Variants in MTDH observed in about 807,000 individuals in gnomAD.
MTDH encodes protein LYRIC.
MTDH carries 34 observed loss-of-function variants against 72.7 expected under a neutral mutation model. The observed-to-expected ratio is 0.47, with a 90% confidence interval of 0.36 to 0.62. The LOEUF is 0.62. MTDH is among the 20% of genes least tolerant of loss of function. MTDH has a pLI of 0.00. For synonymous variants in MTDH, 266 were observed against 268.9 expected, an observed-to-expected ratio of 0.99 and a Z score of 0.10; for missense variants, 677 against 699.4, an observed-to-expected ratio of 0.97 and a Z score of 0.36.
intron 1 of MTDH, among the ~76,000 whole-genome samples, chr8:97,653,393 G>C (rs76622301): frequency 0.018 from 2,740 of 152,290 alleles, 42 homozygotes; most frequent in African/African-American, 0.036. Context: ...TTCCCAGTGA[G>C]TTATGGCTTT....
chr8:97,717,061 C>T (rs898003470), intron 9 of MTDH, among the ~76,000 whole-genome samples: 4 of 152,168 alleles, frequency 2.6e-5, no homozygotes, highest in Non-Finnish European at 5.9e-5. Context: ...AAATTGATGT[C>T]TTCTGACTTT....
chr8:97,669,346 C>T (rs1387029148), intron 2 of MTDH, among the ~76,000 whole-genome samples: 10 of 151,848 alleles, frequency 6.6e-5, no homozygotes, highest in Admixed American at 6.6e-4. Context: ...CGGGGTTTCA[C>T]CATGTTAGCC....
rs1815447407 is a variant in MTDH, at chr8:97,728,723, A to G, written c.*4053A>G. The G allele has an allele frequency of 6.7e-6, 1 of 148,484 alleles. No individual in the cohort carries two copies. Among genetic ancestry groups the G allele is most frequent in the Non-Finnish European group, 1.5e-5 (1 of 67,416 alleles). 9.2% of individuals were successfully genotyped at this position (148,484 alleles called of 1,614,324 possible). A position where few individuals can be genotyped will look rare whatever the true frequency, so the allele number is the denominator to read the frequency against. On this transcript the variant is annotated 3_prime_UTR_variant, in exon 12 of 12. Coordinates refer to ENST00000336273, the MANE Select transcript of MTDH (RefSeq NM_178812.4). ...GATTGTTTGAGCCCAGGAGTTTGAA[A>G]CCATCCTGAGCAATAGAGAGACCCC...
chr8:97,682,725 A>G (rs951319329), intron 2 of MTDH, among the ~76,000 whole-genome samples: 1 of 151,868 alleles, frequency 6.6e-6, no homozygotes, highest in African/African-American at 2.4e-5. Flanking sequence ...CATAATTTCT[A>G]TTATTTTTTC....
chr8:97,681,491 C>CTTTT (rs35262209), intron 2 of MTDH, among the ~76,000 whole-genome samples: 11 of 108,856 alleles, frequency 1.0e-4, no homozygotes, highest in African/African-American at 3.2e-4. Context: ...AGAATTTTTT[C>CTTTT]TTTTTTTTTT....
chr8:97,699,652 A>G (rs1269129931), intron 6 of MTDH, 102 bp from the exon 7 acceptor site: 2 of 718,164 alleles, frequency 2.8e-6, no homozygotes, highest in Non-Finnish European at 4.5e-6. Context: ...TTTAGGAGAA[A>G]TTTTAAAAAT....
chr8:97,701,659 CAA>C (rs1795073672), intron 7 of MTDH, among the ~76,000 whole-genome samples: 1 of 152,112 alleles, frequency 6.6e-6, no homozygotes, highest in Non-Finnish European at 1.5e-5. Flanking sequence ...ATGATTATAA[CAA>C]TGATAGGAGT....
chr8:97,701,419 GA>G (rs575592178), intron 7 of MTDH, among the ~76,000 whole-genome samples: 174 of 151,718 alleles, frequency 1.1e-3, no homozygotes, highest in African/African-American at 3.7e-3. Flanking sequence ...ATAATGACAA[GA>G]AAAAAAAGTG....
At position 97,721,978 on chromosome 8, in the gene MTDH, G is replaced by A. The variant is rs568819677; in HGVS notation, c.1522-901G>A. ...GCTATTTGAGAAATTCTTACCTGTT[G>A]GGAAGGAGATTAGGAGTTGTCATCT... On this transcript the variant is annotated intron_variant, in intron 10 of 11. Transcript: ENST00000336273. 2.6e-5 allele frequency among the ~76,000 whole-genome samples: 4 copies of A among 152,312 alleles called. No individual in the cohort carries two copies. The South Asian group carries it at 8.3e-4, about 32-fold the overall frequency.
At chr8:97,682,841 T>C (rs1384816478) in intron 2 of MTDH, among the ~76,000 whole-genome samples, 1 of 151,976 alleles carries the variant, frequency 6.6e-6, no homozygotes, top group Non-Finnish European at 1.5e-5. Context: ...TATATGAGGT[T>C]AGTAGGAATT....
At position 97,644,773 on chromosome 8, in the gene MTDH, G is replaced by A. The variant is rs1811497432; in HGVS notation, c.267G>A (p.Arg89=). 6 of 1,553,040 alleles carry A rather than the reference G, an allele frequency of 3.9e-6. No homozygotes were observed. The highest frequency in any genetic ancestry group is 2.9e-5 in the African/African-American group (2 of 68,950). The change falls in exon 1 of 12, where the codon CGG becomes CGA. Residue 89 remains arginine, a synonymous_variant. Transcript: ENST00000336273. ...AGCGGAGGAGCCCGCCCCGCAAGCG[G>A]GAGGAGGCGGCGGCCGTGCCGGCCG... ...RKKRRSPPRK[R]EEAAAVPAAA...
rs1308893314 is a variant in MTDH, at chr8:97,699,835, A to C, written c.1130A>C (p.Asp377Ala). The change falls in exon 7 of 12, where the codon GAT becomes GCT. Residue 377 changes from aspartate (D) to alanine (A), a missense_variant. Around this residue, in one of 3 missense-constraint regions of MTDH, gnomAD observed 467 missense variants for 469.1 expected, o/e 1.00. Coordinates refer to ENST00000336273, the MANE Select transcript of MTDH (RefSeq NM_178812.4). ...DVSRNQPYID[D>A]EWSGLNGLSS... Reference sequence around the variant, plus strand: ...AGCCGTAATCAACCCTATATCGATGATGAATGGTCTGGGTTAAGTATGTCC... The same window carrying C: ...AGCCGTAATCAACCCTATATCGATGCTGAATGGTCTGGGTTAAGTATGTCC... 1.2e-6 allele frequency: 2 copies of C among 1,611,282 alleles called. No individual in the cohort carries two copies. Among genetic ancestry groups the C allele is most frequent in the East Asian group, 4.5e-5 (2 of 44,742 alleles).
At position 97,690,881 on chromosome 8, in the gene MTDH, G is replaced by A. The variant is rs1302835143; in HGVS notation, c.812-71G>A. The A allele has an allele frequency of 5.7e-6, 6 of 1,056,866 alleles. No individual in the cohort carries two copies. In the Admixed American group the frequency reaches 1.2e-4, roughly 21 times the overall value. 65.5% of individuals were successfully genotyped at this position (1,056,866 alleles called of 1,614,324 possible). On this transcript the variant is annotated intron_variant, in intron 5 of 11. Transcript: ENST00000336273. ...AATAAATATAAGTCAAGCAATCATA[G>A]AAATGTGAAAATATCCCAGTTTTAA...
At chr8:97,686,615 T>C in intron 2 of MTDH, 53 bp from the exon 3 acceptor site, 1 of 1,143,478 alleles carries the variant, frequency 8.7e-7, no homozygotes, top group Non-Finnish European at 1.2e-6. Flanking sequence ...TACTGACTCC[T>C]ACTTATTCAA....
chr8:97,687,311 G>A, intron 3 of MTDH, 118 bp from the exon 4 acceptor site: 1 of 814,550 alleles, frequency 1.2e-6, no homozygotes, highest in South Asian at 2.7e-5. Context: ...CTTGGTTTTA[G>A]CTTAACATCT....
intron 2 of MTDH, among the ~76,000 whole-genome samples, chr8:97,667,024 C>T (rs1164228487): frequency 6.6e-6 from 1 of 152,004 alleles, no homozygotes; most frequent in African/African-American, 2.4e-5. Flanking sequence ...GAGACTCTCA[C>T]TCTGTTACCC....
chr8:97,705,644 A>G (rs1221232485), intron 7 of MTDH, among the ~76,000 whole-genome samples: 1 of 152,170 alleles, frequency 6.6e-6, no homozygotes, highest in Admixed American at 6.6e-5. Flanking sequence ...TAAGAGTAGC[A>G]TTAGGTATTA....
chr8:97,684,613 T>TTGCTGCCTCTGCTCAACTG (rs1459581161), intron 2 of MTDH, among the ~76,000 whole-genome samples: 2 of 152,222 alleles, frequency 1.3e-5, no homozygotes, highest in Non-Finnish European at 2.9e-5. Flanking sequence ...CAGAAAAAGT[T>TTGCTGCCTCTGCTCAACTG]TGCTGCCTCT....
At chr8:97,646,223 G>T (rs1811558603) in intron 1 of MTDH, among the ~76,000 whole-genome samples, 1 of 152,216 alleles carries the variant, frequency 6.6e-6, no homozygotes, top group African/African-American at 2.4e-5. Flanking sequence ...ACAGGTCACA[G>T]TTAGTGCATT....
Sources: gnomAD v4.1 joint callset for allele counts (sites outside exome capture counted in the v4.1 genomes callset) on GRCh38, gnomAD v4.1.1 for gene constraint, gnomAD v4.1.1 regional missense constraint, MANE v1.5 for transcripts, NCBI Gene and HGNC (gene_info 2026-07-23, HGNC 2026-07-21) for gene names.